MYO10: variants seen among roughly 807,000 people sequenced by gnomAD.
The protein encoded by MYO10 is unconventional myosin-X.
Under a neutral mutation model 257.3 loss-of-function variants are expected in MYO10, and 133 were observed. The ratio of observed to expected loss-of-function variants is 0.52; its 90% CI spans 0.45 to 0.60. The LOEUF is 0.60. Ranked by LOEUF, MYO10 falls within the 20% of genes least tolerant of loss-of-function variation. The probability of loss-of-function intolerance (pLI) is 0.00; values close to 1 mark genes in which losing one functional copy is unlikely to be tolerated. For missense variants in MYO10, 2,399 were observed against 2,635.7 expected, an observed-to-expected ratio of 0.91 and a Z score of 1.97; for synonymous variants, 1,104 against 1,028.6, an observed-to-expected ratio of 1.07 and a Z score of -1.40.
At chr5:16,893,823 T>G (rs765352818) in intron 1 of MYO10, among the ~76,000 whole-genome samples, 4 of 151,962 alleles carry the variant, frequency 2.6e-5, no homozygotes, top group Non-Finnish European at 4.4e-5. Context: ...CCTAGTTATA[T>G]CCCTCCGTCA....
chr5:16,799,766 T>C (rs1055272652), intron 3 of MYO10, among the ~76,000 whole-genome samples: 3 of 152,126 alleles, frequency 2.0e-5, no homozygotes. Context: ...AGTGCTGGGA[T>C]TACAGATATG....
intron 19 of MYO10, among the ~76,000 whole-genome samples, chr5:16,753,625 C>G (rs932156351): frequency 2.0e-4 from 31 of 151,936 alleles, no homozygotes; most frequent in Admixed American, 1.2e-3. Flanking sequence ...CACGTGACAC[C>G]ATGCCTAGCA....
chr5:16,896,348 C>T (rs1745218121), intron 1 of MYO10, among the ~76,000 whole-genome samples: 1 of 152,090 alleles, frequency 6.6e-6, no homozygotes, highest in South Asian at 2.1e-4. Context: ...GTAATCCCAG[C>T]ACTTTGGGAG....
chr5:16,898,030 C>T (rs947968971), intron 1 of MYO10, among the ~76,000 whole-genome samples: 1 of 152,098 alleles, frequency 6.6e-6, no homozygotes, highest in Non-Finnish European at 1.5e-5. Flanking sequence ...GTCATCAACC[C>T]CAGGCTGGGA....
chr5:16,778,700 T>G (rs1741305370), intron 9 of MYO10, among the ~76,000 whole-genome samples: 1 of 148,716 alleles, frequency 6.7e-6, no homozygotes, highest in Non-Finnish European at 1.5e-5. Flanking sequence ...TTTTTTTTTT[T>G]TTTTTTTTTT....
chr5:16,668,170 A>G, intron 40 of MYO10, 107 bp downstream of exon 40: 1 of 1,271,214 alleles, frequency 7.9e-7, no homozygotes, highest in Non-Finnish European at 1.1e-6. Context: ...GTTTTGAAGA[A>G]AAATATTCAA....
Position 16,783,345 on chromosome 5 carries a change from G to A in MYO10, c.592C>T (p.Leu198Phe). 2 of 1,580,828 alleles carry A rather than the reference G, an allele frequency of 1.3e-6. No individual in the cohort carries two copies. The highest frequency in any genetic ancestry group is 1.7e-6 in the Non-Finnish European group (2 of 1,165,900). The change falls in exon 5 of 41, where the codon CTT becomes TTT. Residue 198 changes from leucine (L) to phenylalanine (F), a missense_variant. Transcript: ENST00000513610. ...AAAATCAATAAATACCTGCTTTCAA[G>A]AATAGCTCGTTCAACACAGGATGTC... is the stretch of plus-strand genomic sequence containing the variant. ...EKTSCVERAI[L>F]ESSPIMEAFG...
Position 16,758,106 on chromosome 5 carries a change from G to C in MYO10, c.1848+12C>G, listed in dbSNP as rs879245925. ...AACGACGGATTCCTCTAAGCCAGCA[G>C]TGAAAACGAACCTTGAACTGTGAGC... On this transcript the variant is annotated intron_variant, in intron 18 of 40. Transcript: ENST00000513610. The C allele has an allele frequency of 1.9e-6, 3 of 1,575,628 alleles. No individual in the cohort carries two copies. Among genetic ancestry groups the C allele is most frequent in the East Asian group, 2.2e-5 (1 of 44,686 alleles).
chr5:16,870,841 G>A (rs1206595165), intron 2 of MYO10, among the ~76,000 whole-genome samples: 12 of 152,110 alleles, frequency 7.9e-5, no homozygotes, highest in East Asian at 5.8e-4. Context: ...GCAGTAAGCC[G>A]AGATCGCGCC....
chr5:16,729,122 C>T (rs1474554859), intron 19 of MYO10, among the ~76,000 whole-genome samples: 2 of 152,136 alleles, frequency 1.3e-5, no homozygotes, highest in Admixed American at 6.6e-5. Context: ...CTAGAAGGTA[C>T]TAAGGTCAAT....
intron 3 of MYO10, among the ~76,000 whole-genome samples, chr5:16,799,495 A>G (rs1201575643): frequency 8.9e-6 from 1 of 112,908 alleles, no homozygotes; most frequent in African/African-American, 3.3e-5. Context: ...GAAGAGAAAT[A>G]CTTTTTTTTT....
intron 28 of MYO10, among the ~76,000 whole-genome samples, chr5:16,687,623 C>T (rs527337294): frequency 5.9e-5 from 9 of 151,838 alleles, no homozygotes; most frequent in East Asian, 3.9e-4. Flanking sequence ...GCTGTGCAAA[C>T]GATTTACAGC....
intron 1 of MYO10, among the ~76,000 whole-genome samples, chr5:16,908,219 A>T (rs1287977463): frequency 6.6e-6 from 1 of 151,408 alleles, no homozygotes; most frequent in African/African-American, 2.4e-5. Context: ...TGGGTGACAG[A>T]GTGAGACTCT....
At chr5:16,853,801 C>T (rs1216844857) in intron 2 of MYO10, among the ~76,000 whole-genome samples, 2 of 152,170 alleles carry the variant, frequency 1.3e-5, no homozygotes, top group Admixed American at 6.6e-5. Context: ...ACACTGTCTA[C>T]GTAAGTGTGT....
At chr5:16,735,489 G>C (rs1739755928) in intron 19 of MYO10, among the ~76,000 whole-genome samples, 1 of 152,076 alleles carries the variant, frequency 6.6e-6, no homozygotes, top group Admixed American at 6.6e-5. Flanking sequence ...AGGATTGCTT[G>C]AGCCCAGGAG....
rs113240398 is a variant in MYO10 at position 16,800,932 on chromosome 5, GA to G, written c.280-6100del. 4.1e-3 allele frequency among the ~76,000 whole-genome samples: 605 copies of G among 146,768 alleles called. 4 individuals are homozygous for G. Among genetic ancestry groups the G allele is most frequent in the African/African-American group, 0.013 (507 of 40,214 alleles). ...TTACACACCATATATCACATCAAGT[GA>G]AAAAAAAAAATTCTTTTCCAAAAAG... is the stretch of plus-strand genomic sequence containing the variant. On this transcript the variant is annotated intron_variant, in intron 3 of 40. Coordinates refer to ENST00000513610, the MANE Select transcript of MYO10 (RefSeq NM_012334.3).
chr5:16,906,593 T>C (rs539156959), intron 1 of MYO10, among the ~76,000 whole-genome samples: 6 of 152,260 alleles, frequency 3.9e-5, no homozygotes, highest in African/African-American at 1.4e-4. Flanking sequence ...GGGCTGGATG[T>C]CAGAAGCCAG....
intron 2 of MYO10, among the ~76,000 whole-genome samples, chr5:16,819,499 T>C (rs1310453948): frequency 6.6e-6 from 1 of 152,168 alleles, no homozygotes; most frequent in African/African-American, 2.4e-5. Context: ...CTAGAGTTGG[T>C]AGTTTTTAAA....
intron 4 of MYO10, among the ~76,000 whole-genome samples, chr5:16,788,093 A>G (rs1374090421): frequency 6.6e-6 from 1 of 152,194 alleles, no homozygotes; most frequent in Non-Finnish European, 1.5e-5. Flanking sequence ...CAGGCCCCAA[A>G]GAATCATTCT....
Sources: gnomAD v4.1 joint callset for allele counts (sites outside exome capture counted in the v4.1 genomes callset) on GRCh38, gnomAD v4.1.1 for gene constraint, MANE v1.5 for transcripts, NCBI Gene and HGNC (gene_info 2026-07-23, HGNC 2026-07-21) for gene names.